Variants in AGMO observed in about 807,000 individuals in gnomAD.
The protein encoded by AGMO is glyceryl-ether monooxygenase.
A neutral mutation model predicts 60.2 loss-of-function variants in AGMO; 75 were observed. The ratio of observed to expected loss-of-function variants is 1.25; its 90% confidence interval spans 1.03 to 1.51. The LOEUF (loss-of-function observed/expected upper bound fraction) is 1.51. AGMO is among the 40% of genes most tolerant of loss of function. The pLI, the probability that AGMO is intolerant of heterozygous loss-of-function variation, is 0.00. For missense variants in AGMO, 763 were observed against 525.5 expected (o/e 1.45, Z -4.42); for synonymous variants, 261 against 177.1 (o/e 1.47, Z -3.76).
chr7:15,185,524 C>A, the AGMO span, among the ~76,000 whole-genome samples: 1 of 152,250 alleles, frequency 6.6e-6, no homozygotes, highest in East Asian at 1.9e-4. Flanking sequence ...GATCTATGGC[C>A]CTAGGATAAG....
At chr7:15,372,785 T>C (rs937334239) in intron 10 of AGMO, among the ~76,000 whole-genome samples, 1 of 152,228 alleles carries the variant, frequency 6.6e-6, no homozygotes, top group Non-Finnish European at 1.5e-5. Context: ...TCAAATTATA[T>C]ACTGCTGGTT....
At chr7:15,379,019 A>C (rs1184935343) in intron 10 of AGMO, among the ~76,000 whole-genome samples, 2 of 152,060 alleles carry the variant, frequency 1.3e-5, no homozygotes, top group Non-Finnish European at 2.9e-5. Flanking sequence ...TTTTCGGTAA[A>C]TGATGAAATT....
At chr7:15,334,782 A>G (rs755903527) in intron 12 of AGMO, among the ~76,000 whole-genome samples, 1 of 152,212 alleles carries the variant, frequency 6.6e-6, no homozygotes, top group Non-Finnish European at 1.5e-5. Context: ...ACCAAGTGTT[A>G]CATCATTAAA....
chr7:15,437,792 G>A (rs527360325), intron 3 of AGMO, among the ~76,000 whole-genome samples: 8 of 152,078 alleles, frequency 5.3e-5, no homozygotes, highest in East Asian at 1.9e-4. Context: ...CGCCCGCCTC[G>A]GCCTCACAAA....
At chr7:15,270,152 G>A (rs193042765) in intron 12 of AGMO, among the ~76,000 whole-genome samples, 4 of 152,096 alleles carry the variant, frequency 2.6e-5, no homozygotes, top group Admixed American at 1.3e-4. Flanking sequence ...TAGTTCAAAT[G>A]GTAGTTCTAT....
At chr7:15,467,615 C>T (rs542376901) in intron 3 of AGMO, among the ~76,000 whole-genome samples, 67 of 152,266 alleles carry the variant, frequency 4.4e-4, no homozygotes, top group Middle Eastern at 3.4e-3. Context: ...CACCCCAACA[C>T]TGTTTCTATA....
chr7:15,373,755 A>G (rs1323339974), intron 10 of AGMO, among the ~76,000 whole-genome samples: 1 of 152,164 alleles, frequency 6.6e-6, no homozygotes, highest in Non-Finnish European at 1.5e-5. Context: ...TATTTTCCAT[A>G]ATTTTATTCT....
At chr7:15,407,044 T>C (rs1222929078) in intron 5 of AGMO, among the ~76,000 whole-genome samples, 221 of 138,846 alleles carry the variant, frequency 1.6e-3, no homozygotes, top group Middle Eastern at 0.013. Context: ...TACACACATA[T>C]ATATGAATAT....
the AGMO span, among the ~76,000 whole-genome samples, chr7:15,171,661 A>C: frequency 2.6e-5 from 4 of 152,312 alleles, no homozygotes; most frequent in East Asian, 7.7e-4. Context: ...CCATGTCATA[A>C]ATTATAATTT....
At chr7:15,150,006 T>C in the AGMO span, among the ~76,000 whole-genome samples, 1 of 151,670 alleles carries the variant, frequency 6.6e-6, no homozygotes, top group Non-Finnish European at 1.5e-5. Context: ...AGGGTTTAGA[T>C]CTTTCACCTT....
At chr7:15,223,286 G>C (rs1033361119) in intron 12 of AGMO, among the ~76,000 whole-genome samples, 1 of 151,816 alleles carries the variant, frequency 6.6e-6, no homozygotes. Flanking sequence ...TAGGTTACTA[G>C]AAATACCATC....
Position 15,460,377 on chromosome 7 carries a change from C to T in AGMO, c.410-29269G>A, listed in dbSNP as rs114303534. Among the ~76,000 whole-genome samples, 1,478 of 152,130 alleles carry T rather than the reference C, an allele frequency of 9.7e-3. 25 individuals are homozygous for T. Among genetic ancestry groups the T allele is most frequent in the African/African-American group, 0.035 (1,443 of 41,518 alleles). The stretch of plus-strand genomic sequence containing the variant: ...TCTTAATGAAACTTTTGTATCAAAC[C>T]TTAGATGGAAGTCCATACTTTTAAA... On this transcript the variant is annotated intron_variant, in intron 3 of 12. Coordinates refer to ENST00000342526, the MANE Select transcript of AGMO (RefSeq NM_001004320.2).
At chr7:15,478,985 A>G (rs1072292) in intron 3 of AGMO, among the ~76,000 whole-genome samples, 68,782 of 151,916 alleles carry the variant, frequency 0.45, 16,735 homozygotes, top group Non-Finnish European at 0.56. Context: ...ATATACTGTT[A>G]TGGAAGATAA....
chr7:15,527,405 C>G (rs922305006), intron 3 of AGMO, among the ~76,000 whole-genome samples: 3 of 152,148 alleles, frequency 2.0e-5, no homozygotes, highest in Admixed American at 2.0e-4. Context: ...AAGCCTAATC[C>G]AGAGCAAGAC....
At chr7:15,228,075 C>A (rs146209887) in intron 12 of AGMO, among the ~76,000 whole-genome samples, 1 of 152,188 alleles carries the variant, frequency 6.6e-6, no homozygotes, top group Admixed American at 6.6e-5. Flanking sequence ...ATAAACTCTG[C>A]TTATTTTAAT....
intron 12 of AGMO, among the ~76,000 whole-genome samples, chr7:15,348,488 G>C (rs1326625181): frequency 2.0e-5 from 3 of 151,994 alleles, no homozygotes; most frequent in African/African-American, 7.2e-5. Flanking sequence ...ACACAAATTT[G>C]AAAATCTTAA....
chr7:15,429,347 T>C (rs1223418247), intron 4 of AGMO, among the ~76,000 whole-genome samples: 3 of 152,026 alleles, frequency 2.0e-5, no homozygotes, highest in African/African-American at 7.2e-5. Context: ...TAAACCAATA[T>C]GCCTGGTATC....
At chr7:15,213,658 C>T (rs1291820426) in intron 12 of AGMO, among the ~76,000 whole-genome samples, 2 of 151,812 alleles carry the variant, frequency 1.3e-5, no homozygotes, top group Non-Finnish European at 2.9e-5. Flanking sequence ...ATTCCAAAAT[C>T]GTCAATTCCT....
At chr7:15,168,471 T>C in the AGMO span, among the ~76,000 whole-genome samples, 1 of 152,232 alleles carries the variant, frequency 6.6e-6, no homozygotes, top group African/African-American at 2.4e-5. Context: ...CAGCATGTGC[T>C]GCCCAAATTA....
Sources: gnomAD v4.1 joint callset for allele counts (sites outside exome capture counted in the v4.1 genomes callset) on GRCh38, gnomAD v4.1.1 for gene constraint, MANE v1.5 for transcripts, NCBI Gene and HGNC (gene_info 2026-07-23, HGNC 2026-07-21) for gene names.